Variants in SKAP1 observed in about 807,000 individuals in gnomAD.
SKAP1 encodes the protein src kinase associated phosphoprotein 1.
SKAP1 carries 44 observed loss-of-function variants against 58.5 expected under a neutral mutation model. The observed-to-expected ratio is 0.75, with a 90% CI of 0.59 to 0.97. The LOEUF is 0.97. SKAP1 is among the 50% of genes least tolerant of loss of function. SKAP1 has a pLI of 0.00. For synonymous variants in SKAP1, 127 were observed against 149.7 expected (o/e 0.85, Z 1.11); for missense variants, 390 against 435.2 (o/e 0.90, Z 0.92).
intron 1 of SKAP1, among the ~76,000 whole-genome samples, chr17:48,408,854 A>C (rs775316809): frequency 1.1e-4 from 17 of 152,236 alleles, no homozygotes; most frequent in Admixed American, 1.3e-4. Flanking sequence ...TGCTACTCAC[A>C]GTGAATGTGA....
chr17:48,261,830 C>A (rs899113556), intron 4 of SKAP1, among the ~76,000 whole-genome samples: 8 of 151,778 alleles, frequency 5.3e-5, no homozygotes, highest in Non-Finnish European at 1.0e-4. Context: ...GGGGAAAAAA[C>A]CATACACACA....
chr17:48,329,366 GTC>G (rs2066475950), intron 4 of SKAP1, among the ~76,000 whole-genome samples: 1 of 152,224 alleles, frequency 6.6e-6, no homozygotes, highest in Admixed American at 6.5e-5. Context: ...TAACTCCGGA[GTC>G]TCTGTTTTCC....
At chr17:48,441,133 C>T in the SKAP1 span, among the ~76,000 whole-genome samples, 2 of 152,120 alleles carry the variant, frequency 1.3e-5, no homozygotes, top group African/African-American at 4.8e-5. Flanking sequence ...ACCAAACAAA[C>T]AAACAAAAAA....
intron 4 of SKAP1, among the ~76,000 whole-genome samples, chr17:48,255,068 T>A (rs2065408124): frequency 6.6e-6 from 1 of 152,124 alleles, no homozygotes; most frequent in African/African-American, 2.4e-5. Context: ...CTTCAAATGC[T>A]GAACGTCATC....
intron 3 of SKAP1, among the ~76,000 whole-genome samples, chr17:48,356,420 G>T (rs2144368557): frequency 6.6e-6 from 1 of 152,156 alleles, no homozygotes; most frequent in South Asian, 2.1e-4. Flanking sequence ...AGTTAAGTAT[G>T]CCCAGAGCAA....
In SKAP1 at chr17:48,288,811, T is replaced by G. The variant is rs149662566; in HGVS notation, c.280+57094A>C. Reference sequence around the variant, plus strand: ...GGCAAGCAAGAGAAATGCTGGGAAATAGCACAAAACAGTGATTTTGAGAAA... The same window carrying G: ...GGCAAGCAAGAGAAATGCTGGGAAAGAGCACAAAACAGTGATTTTGAGAAA... On this transcript the variant is annotated intron_variant, in intron 4 of 12. Transcript: ENST00000336915. Among the ~76,000 whole-genome samples, 4 of 152,224 alleles carry G rather than the reference T, an allele frequency of 2.6e-5. No homozygotes were observed. In the East Asian group the frequency reaches 7.7e-4, roughly 29 times the overall value.
At chr17:48,364,078 C>T (rs1023581707) in intron 2 of SKAP1, among the ~76,000 whole-genome samples, 2 of 152,190 alleles carry the variant, frequency 1.3e-5, no homozygotes, top group Non-Finnish European at 2.9e-5. Flanking sequence ...GGGAACCTAG[C>T]GGTGGCCTGG....
At chr17:48,419,528 C>G (rs1474743592) in intron 1 of SKAP1, among the ~76,000 whole-genome samples, 1 of 152,026 alleles carries the variant, frequency 6.6e-6, no homozygotes, top group Non-Finnish European at 1.5e-5. Context: ...GGTGATCCAC[C>G]CGCCTCAGCC....
chr17:48,148,345 A>G (rs1353052274), intron 11 of SKAP1, among the ~76,000 whole-genome samples: 1 of 152,236 alleles, frequency 6.6e-6, no homozygotes, highest in Non-Finnish European at 1.5e-5. Context: ...AAGAAGGGAT[A>G]GAGGGAAGGT....
At chr17:48,438,694 CCT>C in the SKAP1 span, among the ~76,000 whole-genome samples, 1 of 152,186 alleles carries the variant, frequency 6.6e-6, no homozygotes, top group Non-Finnish European at 1.5e-5. Flanking sequence ...GATATTAACA[CCT>C]CTTTTCACTT....
intron 11 of SKAP1, among the ~76,000 whole-genome samples, chr17:48,148,877 C>A (rs554607108): frequency 1.3e-5 from 2 of 152,184 alleles, no homozygotes; most frequent in African/African-American, 4.8e-5. Flanking sequence ...TTGTTTGGTG[C>A]AAAACAGGGT....
chr17:48,148,873 G>C (rs2063865587), intron 11 of SKAP1, among the ~76,000 whole-genome samples: 1 of 152,118 alleles, frequency 6.6e-6, no homozygotes, highest in African/African-American at 2.4e-5. Context: ...GAGGTTGTTT[G>C]GTGCAAAACA....
At chr17:48,371,955 C>T (rs1052490874) in intron 2 of SKAP1, among the ~76,000 whole-genome samples, 3 of 152,096 alleles carry the variant, frequency 2.0e-5, no homozygotes, top group Non-Finnish European at 4.4e-5. Flanking sequence ...TAGATATACA[C>T]ATATACATAT....
At chr17:48,256,113 T>A (rs1356416527) in intron 4 of SKAP1, among the ~76,000 whole-genome samples, 1 of 152,048 alleles carries the variant, frequency 6.6e-6, no homozygotes, top group Non-Finnish European at 1.5e-5. Flanking sequence ...GTCATCCCCA[T>A]GCATTTGTCA....
intron 4 of SKAP1, among the ~76,000 whole-genome samples, chr17:48,239,743 T>C (rs2065222864): frequency 6.6e-6 from 1 of 151,566 alleles, no homozygotes; most frequent in African/African-American, 2.4e-5. Context: ...CATTAACACA[T>C]ATGACATTAC....
At chr17:48,195,916 C>T (rs2064621170) in intron 4 of SKAP1, among the ~76,000 whole-genome samples, 3 of 152,098 alleles carry the variant, frequency 2.0e-5, no homozygotes, top group South Asian at 2.1e-4. Flanking sequence ...CAAAAAAAAC[C>T]TCTGAGGTTC....
At chr17:48,406,324 A>C (rs1406199767) in intron 1 of SKAP1, among the ~76,000 whole-genome samples, 1 of 151,176 alleles carries the variant, frequency 6.6e-6, no homozygotes, top group Non-Finnish European at 1.5e-5. Flanking sequence ...ACAAACTACC[A>C]AGGAAAATTT....
intron 4 of SKAP1, among the ~76,000 whole-genome samples, chr17:48,245,698 G>A (rs1186724184): frequency 6.6e-6 from 1 of 152,134 alleles, no homozygotes; most frequent in Admixed American, 6.5e-5. Context: ...ATAAGAGGCC[G>A]GGTGCGGTGG....
At chr17:48,223,735 G>A (rs1011160573) in intron 4 of SKAP1, among the ~76,000 whole-genome samples, 5 of 152,052 alleles carry the variant, frequency 3.3e-5, no homozygotes, top group Admixed American at 2.6e-4. Context: ...CATAGTGACC[G>A]ATGGTTAACA....
Sources: gnomAD v4.1 joint callset for allele counts (sites outside exome capture counted in the v4.1 genomes callset) on GRCh38, gnomAD v4.1.1 for gene constraint, MANE v1.5 for transcripts, NCBI Gene and HGNC (gene_info 2026-07-23, HGNC 2026-07-21) for gene names.